PTPRK: variants seen among roughly 807,000 people sequenced by gnomAD.
PTPRK encodes receptor-type tyrosine-protein phosphatase kappa.
PTPRK carries 75 observed loss-of-function variants against 178.0 expected under a neutral mutation model. The observed-to-expected ratio is 0.42, with a 90% CI of 0.35 to 0.51. The LOEUF (loss-of-function observed/expected upper bound fraction) is 0.51, where lower values mean the gene tolerates loss of function less well. Among genes scored for constraint, PTPRK ranks in the 20% least tolerant of loss-of-function variants. The pLI, the probability that PTPRK is intolerant of heterozygous loss-of-function variation, is 0.02. For synonymous variants in PTPRK, 637 were observed against 620.6 expected (o/e 1.03, Z -0.39); for missense variants, 1,441 against 1,797.8 (o/e 0.80, Z 3.59).
At chr6:127,978,150 G>T (rs1356820153) in intron 25 of PTPRK, among the ~76,000 whole-genome samples, 1 of 152,134 alleles carries the variant, frequency 6.6e-6, no homozygotes, top group Non-Finnish European at 1.5e-5. Flanking sequence ...ACTTCTAAAT[G>T]ACCTCAAAAC....
intron 3 of PTPRK, among the ~76,000 whole-genome samples, chr6:128,320,548 A>G (rs1037312247): frequency 1.3e-5 from 2 of 152,152 alleles, no homozygotes; most frequent in African/African-American, 2.4e-5. Flanking sequence ...TTCAAAACCC[A>G]TATTTTTAAG....
At chr6:128,406,164 G>T (rs576893847) in intron 1 of PTPRK, among the ~76,000 whole-genome samples, 1 of 152,096 alleles carries the variant, frequency 6.6e-6, no homozygotes, top group Admixed American at 6.5e-5. Flanking sequence ...CCGAGAGGCT[G>T]ATTACTTGAG....
At chr6:128,448,676 T>A (rs1847348662) in intron 1 of PTPRK, among the ~76,000 whole-genome samples, 1 of 152,128 alleles carries the variant, frequency 6.6e-6, no homozygotes, top group Non-Finnish European at 1.5e-5. Flanking sequence ...GACAAGAAAT[T>A]ATGAATACCA....
chr6:128,517,316 T>C (rs1424556556), intron 1 of PTPRK, among the ~76,000 whole-genome samples: 2 of 152,196 alleles, frequency 1.3e-5, no homozygotes, highest in African/African-American at 2.4e-5. Context: ...ATCCCCATTT[T>C]ACAGAGGAGA....
At chr6:128,027,467 C>G (rs752386351) in intron 13 of PTPRK, among the ~76,000 whole-genome samples, 7 of 152,024 alleles carry the variant, frequency 4.6e-5, no homozygotes, top group Non-Finnish European at 8.8e-5. Flanking sequence ...AAAAGTCAAA[C>G]TGACCTTTAA....
chr6:127,983,548 G>T (rs1775606030), intron 22 of PTPRK, among the ~76,000 whole-genome samples, 171 bp from the exon 23 acceptor site: 1 of 152,172 alleles, frequency 6.6e-6, no homozygotes, highest in Non-Finnish European at 1.5e-5. Context: ...ATAGCTTCAT[G>T]CAGAGTATCT....
chr6:128,392,767 T>C (rs1309498301), intron 2 of PTPRK, among the ~76,000 whole-genome samples: 2 of 151,742 alleles, frequency 1.3e-5, no homozygotes, highest in African/African-American at 2.4e-5. Flanking sequence ...GAGAAAGAAA[T>C]ATGAAAAGAG....
intron 13 of PTPRK, among the ~76,000 whole-genome samples, chr6:128,029,964 G>A (rs1775029559): frequency 6.6e-6 from 1 of 152,134 alleles, no homozygotes; most frequent in South Asian, 2.1e-4. Flanking sequence ...GGAAAGTAGG[G>A]TAGGAAAGGG....
intron 21 of PTPRK, among the ~76,000 whole-genome samples, chr6:127,990,071 A>C (rs1340297929): frequency 1.3e-5 from 2 of 152,104 alleles, no homozygotes; most frequent in African/African-American, 4.8e-5. Flanking sequence ...TTTAGAAATA[A>C]AATTCAGACC....
chr6:128,497,538 A>T (rs1490533922), intron 1 of PTPRK, among the ~76,000 whole-genome samples: 1 of 152,280 alleles, frequency 6.6e-6, no homozygotes, highest in Middle Eastern at 3.4e-3. Flanking sequence ...GTAAATAGAA[A>T]ATGTCAAATT....
intron 13 of PTPRK, among the ~76,000 whole-genome samples, chr6:128,032,788 C>T (rs1021610869): frequency 1.3e-5 from 2 of 152,128 alleles, no homozygotes; most frequent in Non-Finnish European, 2.9e-5. Flanking sequence ...CAGACACAGA[C>T]ATGGTTACTG....
chr6:128,520,248 C>T lies in PTPRK; in HGVS notation c.100+11G>A. ...CCAGGCGTTCGTCGGGGACGCCCCC[C>T]GGCCACTCACCTGCGGAGAACTGGC... On this transcript the variant is annotated intron_variant, in intron 1 of 29. Coordinates refer to ENST00000368226, the MANE Select transcript of PTPRK (RefSeq NM_002844.4). 1 of 1,576,262 alleles carries T rather than the reference C, an allele frequency of 6.3e-7. No homozygotes were observed. Among genetic ancestry groups the T allele is most frequent in the Non-Finnish European group, 8.6e-7 (1 of 1,160,326 alleles).
In PTPRK at chr6:127,984,294, C is replaced by T. The variant is rs1318786968; in HGVS notation, c.3252-917G>A. ...AAACTAAACATTATCATTTACCAGA[C>T]TCATCCTACAGTGGTACAGAACACT... is the stretch of plus-strand genomic sequence containing the variant. On this transcript the variant is annotated intron_variant, in intron 22 of 29. Transcript: ENST00000368226. Among the ~76,000 whole-genome samples, 13 of 152,284 alleles carry T rather than the reference C, an allele frequency of 8.5e-5. No homozygotes were observed. In the South Asian group the frequency reaches 2.7e-3, roughly 32 times the overall value.
At chr6:128,122,111 A>ATT (rs1792564819) in intron 7 of PTPRK, among the ~76,000 whole-genome samples, 2 of 152,134 alleles carry the variant, frequency 1.3e-5, no homozygotes, top group South Asian at 2.1e-4. Context: ...CTTACCTGAC[A>ATT]TCTAGATATT....
chr6:128,394,287 T>C (rs1839998167), intron 2 of PTPRK, among the ~76,000 whole-genome samples: 1 of 152,158 alleles, frequency 6.6e-6, no homozygotes, highest in South Asian at 2.1e-4. Context: ...GACATTTGGG[T>C]TGTTTTTAGC....
intron 4 of PTPRK, chr6:128,241,272 T>C (rs761586688): frequency 1.7e-5 from 9 of 533,254 alleles, no homozygotes; most frequent in Admixed American, 9.7e-5. Flanking sequence ...GAACATGAAC[T>C]AAAGCAGCAG....
At chr6:128,204,168 TG>T (rs1806496348) in intron 6 of PTPRK, among the ~76,000 whole-genome samples, 1 of 152,090 alleles carries the variant, frequency 6.6e-6, no homozygotes, top group African/African-American at 2.4e-5. Context: ...AAACAAGCAA[TG>T]GGGAGAGGAT....
chr6:128,210,983 C>T (rs1385355970), intron 6 of PTPRK, among the ~76,000 whole-genome samples: 1 of 152,066 alleles, frequency 6.6e-6, no homozygotes, highest in Non-Finnish European at 1.5e-5. Context: ...AATATTTTCT[C>T]AGTTTAGGGC....
chr6:128,460,307 G>A (rs551281581), intron 1 of PTPRK, among the ~76,000 whole-genome samples: 8 of 152,254 alleles, frequency 5.3e-5, no homozygotes, highest in African/African-American at 9.6e-5. Flanking sequence ...ACTTTGGAAG[G>A]TCAAGGTGGG....
Sources: gnomAD v4.1 joint callset for allele counts (sites outside exome capture counted in the v4.1 genomes callset) on GRCh38, gnomAD v4.1.1 for gene constraint, MANE v1.5 for transcripts, NCBI Gene and HGNC (gene_info 2026-07-23, HGNC 2026-07-21) for gene names.